The following CAMTA1 variants were observed in gnomAD, a reference collection of about 807,000 sequenced individuals.
CAMTA1 encodes the protein calmodulin-binding transcription activator 1.
A neutral mutation model predicts 170.9 loss-of-function variants in CAMTA1; 27 were observed. The ratio of observed to expected loss-of-function variants is 0.16; its 90% CI spans 0.12 to 0.22. The LOEUF is 0.22. CAMTA1 is among the 10% of genes least tolerant of loss of function. The probability of loss-of-function intolerance (pLI) is 1.00; values close to 1 mark genes in which losing one functional copy is unlikely to be tolerated. For missense variants in CAMTA1, 1,619 were observed against 2,217.2 expected, an observed-to-expected ratio of 0.73 and a Z score of 5.42; for synonymous variants, 833 against 891.5, an observed-to-expected ratio of 0.93 and a Z score of 1.17.
chr1:7,035,664 C>A (rs2101172890), intron 3 of CAMTA1, among the ~76,000 whole-genome samples: 1 of 152,312 alleles, frequency 6.6e-6, no homozygotes, highest in African/African-American at 2.4e-5. Context: ...ATGGTTCTGA[C>A]CTCTCTGTCT....
At chr1:7,696,941 C>A (rs760587077) in intron 11 of CAMTA1, among the ~76,000 whole-genome samples, 6 of 152,130 alleles carry the variant, frequency 3.9e-5, no homozygotes, top group Non-Finnish European at 8.8e-5. Context: ...CTGGGTGGGA[C>A]CTGTGAGTTA....
intron 1 of CAMTA1, among the ~76,000 whole-genome samples, chr1:6,810,362 C>G (rs959743946): frequency 1.3e-5 from 2 of 152,242 alleles, no homozygotes; most frequent in Non-Finnish European, 2.9e-5. Flanking sequence ...CCAGGGGCCT[C>G]TGCAACACCA....
intron 5 of CAMTA1, among the ~76,000 whole-genome samples, chr1:7,385,323 G>A (rs1443689953): frequency 1.3e-5 from 2 of 152,120 alleles, no homozygotes; most frequent in Non-Finnish European, 2.9e-5. Context: ...CTATTAACAG[G>A]ACACTTGATT....
chr1:7,512,557 G>A (rs1174923434), intron 6 of CAMTA1, among the ~76,000 whole-genome samples: 4 of 152,210 alleles, frequency 2.6e-5, no homozygotes, highest in South Asian at 2.1e-4. Flanking sequence ...CAGGGGTCTC[G>A]CCCTGGACCT....
chr1:6,811,330 C>G (rs1054239463), intron 1 of CAMTA1, among the ~76,000 whole-genome samples: 1 of 152,162 alleles, frequency 6.6e-6, no homozygotes, highest in Non-Finnish European at 1.5e-5. Flanking sequence ...ATTTAACTTA[C>G]ATTTTCCTTA....
In CAMTA1 at chr1:7,181,273, G is replaced by A. The variant is rs193254862; in HGVS notation, c.303-68218G>A. Among the ~76,000 whole-genome samples, 990 of 152,270 alleles carry A rather than the reference G, an allele frequency of 6.5e-3. 5 individuals carry two copies. Among genetic ancestry groups the A allele is most frequent in the Middle Eastern group, 0.024 (7 of 294 alleles). ...CCTGAAAAAATATTTGAATCCTAAA[G>A]TCAGGATGCTTGTTGATGGGAAAAC... On this transcript the variant is annotated intron_variant, in intron 4 of 22. Coordinates refer to ENST00000303635, the MANE Select transcript of CAMTA1 (RefSeq NM_015215.4).
intron 4 of CAMTA1, among the ~76,000 whole-genome samples, chr1:7,189,175 TTC>T (rs1384682372): frequency 6.6e-6 from 1 of 152,214 alleles, no homozygotes; most frequent in African/African-American, 2.4e-5. Context: ...ATAAAATACT[TTC>T]TGTGTGGTTT....
chr1:7,351,690 T>C (rs2084686245), intron 5 of CAMTA1, among the ~76,000 whole-genome samples: 1 of 152,190 alleles, frequency 6.6e-6, no homozygotes, highest in African/African-American at 2.4e-5. Flanking sequence ...CTCACCTACC[T>C]GTCTGGCCGG....
chr1:7,386,715 G>T (rs185349812), intron 5 of CAMTA1, among the ~76,000 whole-genome samples: 1 of 152,092 alleles, frequency 6.6e-6, no homozygotes, highest in Non-Finnish European at 1.5e-5. Context: ...CCTCCTCCTT[G>T]GTAAAACACA....
At chr1:7,526,860 A>AC (rs1406756239) in intron 6 of CAMTA1, among the ~76,000 whole-genome samples, 1 of 152,018 alleles carries the variant, frequency 6.6e-6, no homozygotes, top group East Asian at 1.9e-4. Context: ...AGGGCTGGCC[A>AC]CCCCCAGGAG....
chr1:6,872,632 G>A (rs944753412), intron 3 of CAMTA1, among the ~76,000 whole-genome samples: 2 of 152,110 alleles, frequency 1.3e-5, no homozygotes, highest in African/African-American at 4.8e-5. Flanking sequence ...TTTCATGACT[G>A]TTTTTCAAAC....
intron 3 of CAMTA1, among the ~76,000 whole-genome samples, chr1:6,878,669 C>T (rs1431244192): frequency 6.6e-6 from 1 of 152,194 alleles, no homozygotes; most frequent in African/African-American, 2.4e-5. Flanking sequence ...GGAACCGCTC[C>T]CCCAAGGATC....
intron 6 of CAMTA1, among the ~76,000 whole-genome samples, chr1:7,493,034 CACAA>C (rs1169712543): frequency 4.0e-5 from 6 of 149,742 alleles, no homozygotes; most frequent in African/African-American, 5.0e-5. Flanking sequence ...TGCACGCACA[CACAA>C]ACACAAACCT....
intron 11 of CAMTA1, among the ~76,000 whole-genome samples, chr1:7,678,820 C>G (rs1462459207): frequency 6.6e-6 from 1 of 152,228 alleles, no homozygotes; most frequent in East Asian, 1.9e-4. Flanking sequence ...CCTCACGCAC[C>G]CCGCACCCAC....
At chr1:7,278,339 T>C (rs1011330857) in intron 5 of CAMTA1, among the ~76,000 whole-genome samples, 1 of 152,198 alleles carries the variant, frequency 6.6e-6, no homozygotes, top group Non-Finnish European at 1.5e-5. Flanking sequence ...GGGATGTGTG[T>C]AAAGCATTCA....
intron 6 of CAMTA1, among the ~76,000 whole-genome samples, chr1:7,552,763 G>A (rs1355531551): frequency 2.0e-5 from 3 of 152,266 alleles, no homozygotes; most frequent in African/African-American, 7.2e-5. Context: ...CAGGGAGGCT[G>A]GGTTAGGGGA....
chr1:6,925,693 G>A (rs1053378117), intron 3 of CAMTA1, among the ~76,000 whole-genome samples: 3 of 152,192 alleles, frequency 2.0e-5, no homozygotes, highest in African/African-American at 4.8e-5. Flanking sequence ...AACTAGCCCC[G>A]TGGAGACTTT....
At chr1:7,183,231 A>G (rs1247386128) in intron 4 of CAMTA1, among the ~76,000 whole-genome samples, 1 of 152,054 alleles carries the variant, frequency 6.6e-6, no homozygotes, top group African/African-American at 2.4e-5. Flanking sequence ...GGTGTCATGT[A>G]CCTTTTAACA....
chr1:7,677,541 T>G, intron 10 of CAMTA1, 58 bp from the exon 11 acceptor site: 1 of 1,577,466 alleles, frequency 6.3e-7, no homozygotes, highest in South Asian at 1.2e-5. Context: ...CCTGTGTGGT[T>G]CACCAGGCTG....
Sources: gnomAD v4.1 joint callset for allele counts (sites outside exome capture counted in the v4.1 genomes callset) on GRCh38, gnomAD v4.1.1 for gene constraint, MANE v1.5 for transcripts, NCBI Gene and HGNC (gene_info 2026-07-23, HGNC 2026-07-21) for gene names.